The following ABCC6 variants were observed in gnomAD, a reference collection of about 807,000 sequenced individuals.
The protein encoded by ABCC6 is ATP-binding cassette sub-family C member 6.
ABCC6 carries 126 observed loss-of-function variants against 169.5 expected under a neutral mutation model. The observed-to-expected ratio is 0.74, with a 90% CI of 0.64 to 0.86. ABCC6 has a LOEUF of 0.86. ABCC6 is among the 40% of genes least tolerant of loss of function. ABCC6 has a pLI of 0.00. For synonymous variants in ABCC6, 752 were observed against 814.7 expected, an observed-to-expected ratio of 0.92 and a Z score of 1.31; for missense variants, 1,733 against 1,927.2, an observed-to-expected ratio of 0.90 and a Z score of 1.89.
intron 9 of ABCC6, among the ~76,000 whole-genome samples, chr16:16,200,024 C>T (rs1292121369): frequency 6.6e-6 from 1 of 151,668 alleles, no homozygotes; most frequent in African/African-American, 2.4e-5. Context: ...GCCAAGATTG[C>T]ACCGCTGCAC....
chr16:16,151,455 C>G (rs1260739377), intron 29 of ABCC6, among the ~76,000 whole-genome samples: 1 of 152,226 alleles, frequency 6.6e-6, no homozygotes, highest in Non-Finnish European at 1.5e-5. Context: ...ACAGCTTTCA[C>G]TTCAGTCATG....
intron 6 of ABCC6, 41 bp from the exon 7 acceptor site, chr16:16,208,900 C>T: frequency 1.2e-6 from 2 of 1,613,336 alleles, no homozygotes; most frequent in Non-Finnish European, 1.7e-6. Flanking sequence ...TCCTGCCATT[C>T]ACCCCTGCAG....
At chr16:16,190,441 C>T in intron 11 of ABCC6, 74 bp from the exon 12 acceptor site, 2 of 1,537,978 alleles carry the variant, frequency 1.3e-6, no homozygotes, top group South Asian at 2.3e-5. Flanking sequence ...GACAGCCACC[C>T]TTCAGCAAAT....
chr16:16,221,611 A>G, intron 2 of ABCC6, 38 bp downstream of exon 2: 2 of 1,611,094 alleles, frequency 1.2e-6, no homozygotes, highest in Non-Finnish European at 1.7e-6. Flanking sequence ...CCTCCCCCGA[A>G]CATTGCCTGG....
At position 16,198,721 on chromosome 16, in the gene ABCC6, C is replaced by G. The variant is rs11639499; in HGVS notation, c.1177-539G>C. On this transcript the variant is annotated intron_variant, in intron 9 of 30. Coordinates refer to ENST00000205557, the MANE Select transcript of ABCC6 (RefSeq NM_001171.6). Reference sequence around the variant, plus strand: ...AAAAAATTAGCCAGGGGGCCGGGTGCGGTGCCTCACGTCTATAATCCCAGC... The same window carrying G: ...AAAAAATTAGCCAGGGGGCCGGGTGGGGTGCCTCACGTCTATAATCCCAGC... Among the ~76,000 whole-genome samples, 939 of 148,192 alleles carry G rather than the reference C, an allele frequency of 6.3e-3. 17 individuals are homozygous for G. Among genetic ancestry groups the G allele is most frequent in the African/African-American group, 0.02 (813 of 40,720 alleles).
intron 21 of ABCC6, chr16:16,172,986 G>A: frequency 2.3e-6 from 1 of 442,240 alleles, no homozygotes; most frequent in African/African-American, 2.0e-5. Context: ...AGGCTGCAGT[G>A]AGCTATGATT....
At chr16:16,193,202 C>T (rs1156802177) in intron 10 of ABCC6, among the ~76,000 whole-genome samples, 1 of 152,168 alleles carries the variant, frequency 6.6e-6, no homozygotes, top group Non-Finnish European at 1.5e-5. Flanking sequence ...GACCTCCCGT[C>T]ATCCTCACTG....
chr16:16,171,704 C>T (rs8045279), intron 21 of ABCC6, among the ~76,000 whole-genome samples: 1 of 151,510 alleles, frequency 6.6e-6, no homozygotes, highest in Non-Finnish European at 1.5e-5. Context: ...GATGGGTAAG[C>T]GAATGGGATG....
At chr16:16,161,866 C>T (rs1235725161) in intron 24 of ABCC6, among the ~76,000 whole-genome samples, 1 of 152,102 alleles carries the variant, frequency 6.6e-6, no homozygotes, top group Non-Finnish European at 1.5e-5. Context: ...ACCATGGCCT[C>T]CATGGTTTGG....
chr16:16,206,944 C>T lies in ABCC6; in HGVS notation c.794+1784G>A, dbSNP rs994877580. 3.9e-5 allele frequency among the ~76,000 whole-genome samples: 6 copies of T among 152,152 alleles called. No homozygotes were observed. The South Asian group carries it at 1.0e-3, about 26-fold the overall frequency. ...CTGAGGTCAGGAGTTCAAGATCACC[C>T]TGGCCAACATGGTGAGACCCTGTCT... On this transcript the variant is annotated intron_variant, in intron 7 of 30. Coordinates refer to ENST00000205557, the MANE Select transcript of ABCC6 (RefSeq NM_001171.6).
chr16:16,190,914 G>T (rs1487231351), intron 11 of ABCC6, among the ~76,000 whole-genome samples: 7 of 122,212 alleles, frequency 5.7e-5, no homozygotes, highest in Non-Finnish European at 6.9e-5. Flanking sequence ...GATGGGGGTG[G>T]GGGGTGGGGG....
In ABCC6 at chr16:16,190,259, C is replaced by T. The variant is rs59157279; in HGVS notation, c.1540G>A (p.Val514Ile). The T allele has an allele frequency of 6.9e-4, 1,119 of 1,614,144 alleles. 6 individuals carry two copies. In the Middle Eastern group the frequency reaches 0.01, roughly 15 times the overall value. Residue 514 changes from valine (V) to isoleucine (I), a missense_variant, in exon 12 of 31, where the codon GTC becomes ATC. Physicochemically the swap from Val to Ile is conservative, Grantham distance 29 (BLOSUM62 3). Around this residue, in one of 5 missense-constraint regions of ABCC6, gnomAD observed 1,601 missense variants for 1,635.5 expected, o/e 0.98. Transcript: ENST00000205557. ...HGWEGAFLDRVLGIRGQELGA... is the reference protein window; with the variant it reads ...HGWEGAFLDRILGIRGQELGA... ...AGCTCCTGGCCTCGGATGCCCAGGA[C>T]TCTGTCCAGAAAGGCTCCCTCCCAG... is the stretch of plus-strand genomic sequence containing the variant.
chr16:16,198,230 G>C (rs1031268951), intron 9 of ABCC6, 48 bp from the exon 10 acceptor site: 1 of 1,547,916 alleles, frequency 6.5e-7, no homozygotes, highest in Non-Finnish European at 8.7e-7. Flanking sequence ...GGCCGGGGCA[G>C]AGGGATGCCC....
In ABCC6 at chr16:16,154,809, C is replaced by A. The variant is rs371489110; in HGVS notation, c.4042-15G>T. ...AGGATGGGGTCCTGGCGGGGAGGGG[C>A]GGTGGGTCAGAGCCGGGTCCCACCA... is the stretch of plus-strand genomic sequence containing the variant. On this transcript the variant is annotated splice_polypyrimidine_tract_variant and intron_variant, in intron 28 of 30. Coordinates refer to ENST00000205557, the MANE Select transcript of ABCC6 (RefSeq NM_001171.6). 6.2e-7 allele frequency: 1 copy of A among 1,608,828 alleles called. No individual in the cohort carries two copies. Among genetic ancestry groups the A allele is most frequent in the Non-Finnish European group, 8.5e-7 (1 of 1,177,852 alleles).
chr16:16,177,551 T>C lies in ABCC6; in HGVS notation c.2491A>G (p.Ile831Val). The C allele has an allele frequency of 6.2e-7, 1 of 1,614,228 alleles. No homozygotes were observed. The change falls in exon 19 of 31, where the codon ATC (isoleucine) becomes GTC (valine). Residue 831 changes from isoleucine (I) to valine (V), a missense_variant. By Grantham distance (29) the Ile-to-Val change is conservative. Transcript: ENST00000205557. ...DWIIVLANGA[I>V]AEMGSYQELL... ...TCCTGGTAGGAACCCATCTCTGCGA[T>C]GGCCCCATTTGCCAGCACTATGATC... is the stretch of plus-strand genomic sequence containing the variant.
At chr16:16,194,186 G>A (rs1427495207) in intron 10 of ABCC6, among the ~76,000 whole-genome samples, 3 of 152,192 alleles carry the variant, frequency 2.0e-5, no homozygotes, top group African/African-American at 7.2e-5. Flanking sequence ...CAATTCTCTT[G>A]TCTGCAAAAT....
chr16:16,174,671 C>G (rs147328306), intron 20 of ABCC6, among the ~76,000 whole-genome samples: 1 of 146,928 alleles, frequency 6.8e-6, no homozygotes, highest in South Asian at 2.3e-4. Context: ...GCATGAGAAT[C>G]GCTTGAACCT....
chr16:16,196,147 T>G (rs974190102), intron 10 of ABCC6, among the ~76,000 whole-genome samples: 1 of 149,196 alleles, frequency 6.7e-6, no homozygotes, highest in African/African-American at 2.5e-5. Flanking sequence ...GAGGTGGAGG[T>G]TGCAGTGAGC....
intron 4 of ABCC6, among the ~76,000 whole-genome samples, chr16:16,214,842 T>A (rs1454990948): frequency 6.6e-6 from 1 of 152,206 alleles, no homozygotes; most frequent in Admixed American, 6.5e-5. Flanking sequence ...ACTGCTGACC[T>A]AAAGTGATCT....
Sources: allele counts gnomAD v4.1 joint callset (sites outside exome capture counted in the v4.1 genomes callset), GRCh38; gene constraint gnomAD v4.1.1; regional missense constraint gnomAD v4.1.1; transcripts MANE v1.5; gene names NCBI Gene and HGNC (gene_info 2026-07-23, HGNC 2026-07-21).